Variants in LINGO2 observed in about 807,000 individuals in gnomAD.
LINGO2 encodes leucine-rich repeat and immunoglobulin-like domain-containing nogo receptor-interacting protein 2.
LINGO2 carries 14 observed loss-of-function variants against 30.6 expected under a neutral mutation model. The observed-to-expected ratio is 0.46, with a 90% CI of 0.30 to 0.72. The LOEUF (loss-of-function observed/expected upper bound fraction) is 0.72, where lower values mean the gene tolerates loss of function less well. Among genes scored for constraint, LINGO2 ranks in the 30% least tolerant of loss-of-function variants. The pLI is 0.07. For missense variants in LINGO2, 729 were observed against 751.7 expected, an observed-to-expected ratio of 0.97 and a Z score of 0.35; for synonymous variants, 317 against 288.5, an observed-to-expected ratio of 1.10 and a Z score of -1.00.
At chr9:28,350,933 G>C (rs1389881611) in intron 3 of LINGO2, among the ~76,000 whole-genome samples, 1 of 151,886 alleles carries the variant, frequency 6.6e-6, no homozygotes, top group Non-Finnish European at 1.5e-5. Context: ...CAGAAATAAA[G>C]ATGTTCTTTG....
the LINGO2 span, among the ~76,000 whole-genome samples, chr9:29,073,659 C>T: frequency 6.6e-5 from 10 of 152,124 alleles, no homozygotes; most frequent in Non-Finnish European, 1.3e-4. Context: ...GGAACAGAAA[C>T]TATATGCCCC....
the LINGO2 span, among the ~76,000 whole-genome samples, chr9:28,995,500 C>T: frequency 6.6e-6 from 1 of 152,122 alleles, no homozygotes; most frequent in African/African-American, 2.4e-5. Context: ...TACCATTTGA[C>T]CCAGCCATCC....
At chr9:28,234,217 C>T (rs957617610) in intron 4 of LINGO2, among the ~76,000 whole-genome samples, 11 of 152,134 alleles carry the variant, frequency 7.2e-5, no homozygotes, top group East Asian at 1.9e-4. Context: ...CCCTGAAGGC[C>T]GAGTTCCAGG....
the LINGO2 span, among the ~76,000 whole-genome samples, chr9:28,875,737 G>C: frequency 1.3e-5 from 2 of 151,956 alleles, no homozygotes; most frequent in African/African-American, 4.8e-5. Context: ...ATTAGATTCA[G>C]GTTAAATATT....
intron 5 of LINGO2, among the ~76,000 whole-genome samples, chr9:28,009,355 T>TA (rs72535340): frequency 0.71 from 102,497 of 144,998 alleles, 36,309 homozygotes; most frequent in Admixed American, 0.76. Context: ...GCACAAGTGA[T>TA]AAAAAAAAAA....
At chr9:28,046,064 C>A (rs1016314555) in intron 4 of LINGO2, among the ~76,000 whole-genome samples, 7 of 152,120 alleles carry the variant, frequency 4.6e-5, no homozygotes, top group Non-Finnish European at 1.5e-5. Flanking sequence ...GTGAGGCATC[C>A]ATCCGTTTTT....
At chr9:28,858,228 T>C in the LINGO2 span, among the ~76,000 whole-genome samples, 3 of 152,032 alleles carry the variant, frequency 2.0e-5, no homozygotes, top group African/African-American at 7.2e-5. Context: ...ACTGATTTTA[T>C]GGTTATCTCT....
intron 1 of LINGO2, among the ~76,000 whole-genome samples, chr9:28,506,014 T>C (rs1190099313): frequency 1.3e-5 from 2 of 151,918 alleles, no homozygotes; most frequent in African/African-American, 2.4e-5. Flanking sequence ...CTTGAATAGT[T>C]GTACTGACCC....
chr9:28,365,477 C>T (rs145834462), intron 3 of LINGO2, among the ~76,000 whole-genome samples: 1 of 152,276 alleles, frequency 6.6e-6, no homozygotes, highest in Non-Finnish European at 1.5e-5. Flanking sequence ...GAAAGCAAAA[C>T]TGCAACACCC....
the LINGO2 span, among the ~76,000 whole-genome samples, chr9:28,807,191 A>T: frequency 0.029 from 4,387 of 151,754 alleles, 213 homozygotes; most frequent in African/African-American, 0.096. Flanking sequence ...CGCCCGGCTA[A>T]TTTTTGTATT....
chr9:28,766,019 G>A, the LINGO2 span, among the ~76,000 whole-genome samples: 2 of 151,986 alleles, frequency 1.3e-5, no homozygotes, highest in South Asian at 2.1e-4. Context: ...GAAAAGCTCC[G>A]TGACATAGAC....
At chr9:28,853,652 G>T in the LINGO2 span, among the ~76,000 whole-genome samples, 1 of 151,988 alleles carries the variant, frequency 6.6e-6, no homozygotes, top group Non-Finnish European at 1.5e-5. Flanking sequence ...TTACAGTCAT[G>T]GTGAAAGGGG....
chr9:28,675,324 T>C, the LINGO2 span, among the ~76,000 whole-genome samples: 1 of 152,152 alleles, frequency 6.6e-6, no homozygotes. Context: ...CAATGGTACC[T>C]AATAAAACTT....
chr9:28,720,670 C>A, the LINGO2 span, among the ~76,000 whole-genome samples: 2 of 152,006 alleles, frequency 1.3e-5, no homozygotes, highest in African/African-American at 4.8e-5. Flanking sequence ...TATTCCACAG[C>A]AACCTAACTC....
the LINGO2 span, among the ~76,000 whole-genome samples, chr9:28,902,822 C>T: frequency 6.6e-6 from 1 of 151,710 alleles, no homozygotes; most frequent in South Asian, 2.1e-4. Flanking sequence ...TTAAAAATAT[C>T]CTGAGACAAA....
intron 2 of LINGO2, among the ~76,000 whole-genome samples, chr9:28,406,861 A>T (rs1822535634): frequency 1.3e-5 from 2 of 152,162 alleles, no homozygotes; most frequent in South Asian, 4.1e-4. Context: ...CAGGTAAAAG[A>T]AATTTCCAAC....
chr9:28,136,824 A>G (rs1159046889), intron 4 of LINGO2, among the ~76,000 whole-genome samples: 5 of 152,090 alleles, frequency 3.3e-5, no homozygotes, highest in Non-Finnish European at 5.9e-5. Flanking sequence ...TCTGGATGAG[A>G]TTAACATTTG....
At chr9:28,410,020 G>A (rs1209445759) in intron 2 of LINGO2, among the ~76,000 whole-genome samples, 1 of 150,246 alleles carries the variant, frequency 6.7e-6, no homozygotes, top group Non-Finnish European at 1.5e-5. Flanking sequence ...GGGAGGGAGG[G>A]AGAGAGACAG....
chr9:28,568,858 TTAAAA>T (rs1823529040), intron 1 of LINGO2, among the ~76,000 whole-genome samples: 1 of 147,656 alleles, frequency 6.8e-6, no homozygotes, highest in Non-Finnish European at 1.5e-5. Context: ...GTTCTTCAAC[TTAAAA>T]TGAAGGATGC....
Sources: gnomAD v4.1 joint callset for allele counts (sites outside exome capture counted in the v4.1 genomes callset) on GRCh38, gnomAD v4.1.1 for gene constraint, MANE v1.5 for transcripts, NCBI Gene and HGNC (gene_info 2026-07-23, HGNC 2026-07-21) for gene names.